The following VPS13C variants were observed in gnomAD, a reference collection of about 807,000 sequenced individuals.
The protein encoded by VPS13C is intermembrane lipid transfer protein VPS13C.
A neutral mutation model predicts 456.8 loss-of-function variants in VPS13C; 358 were observed. The ratio of observed to expected loss-of-function variants is 0.78; its 90% CI spans 0.72 to 0.86. VPS13C has a LOEUF of 0.86. Ranked by LOEUF, VPS13C falls within the 40% of genes least tolerant of loss-of-function variation. The probability of loss-of-function intolerance (pLI) is 0.00; values close to 1 mark genes in which losing one functional copy is unlikely to be tolerated. For missense variants in VPS13C, 4,818 were observed against 4,385.4 expected (o/e 1.10, Z -2.79); for synonymous variants, 1,578 against 1,486.7 (o/e 1.06, Z -1.41).
chr15:61,867,392 C>A lies in VPS13C; in HGVS notation c.10863+1267G>T. The A allele has an allele frequency of 1.0e-6, 1 of 985,462 alleles. No homozygotes were observed. The highest frequency in any genetic ancestry group is 1.2e-6 in the Non-Finnish European group (1 of 829,986). 61.0% of individuals were successfully genotyped at this position (985,462 alleles called of 1,614,324 possible). A position where few individuals can be genotyped will look rare whatever the true frequency, so the allele number is the denominator to read the frequency against. ...AAATTCATGTGCCAACTATTTATTA[C>A]TTGAGGTCTAAGGGCAGGCTCAGAG... On this transcript the variant is annotated intron_variant, in intron 81 of 84. Transcript: ENST00000644861. The surrounding 1 kb of genome is among the most constrained non-coding windows in gnomAD (Gnocchi z 5.0).
chr15:61,958,608 C>T lies in VPS13C; in HGVS notation c.4165G>A (p.Gly1389Ser). 3 of 1,542,714 alleles carry T rather than the reference C, an allele frequency of 1.9e-6. No homozygotes were observed. Among genetic ancestry groups the T allele is most frequent in the Non-Finnish European group, 2.6e-6 (3 of 1,136,844 alleles). ...TTGCCACTTACTGTCAGCCTCTTACCTGTCTCTTGTACTCTTGGTTTCACT... is the reference window on the plus strand; with the variant it reads ...TTGCCACTTACTGTCAGCCTCTTACTTGTCTCTTGTACTCTTGGTTTCACT... ...DKVKPRVQET[G>S]EIKEPLEISI... The change falls in exon 37 of 85, where the codon GGT (glycine) becomes AGT (serine). Residue 1389 changes from glycine (G) to serine (S), a missense_variant and splice_region_variant. Physicochemically the swap from Gly to Ser is moderately conservative, Grantham distance 56. Transcript: ENST00000644861.
rs373951857 is a variant in VPS13C at position 61,927,136 on chromosome 15, G to A, written c.6471C>T (p.Leu2157=). 62 of 1,614,012 alleles carry A rather than the reference G, an allele frequency of 3.8e-5. No homozygotes were observed. Among genetic ancestry groups the A allele is most frequent in the Non-Finnish European group, 4.8e-5 (57 of 1,180,030 alleles). ...MEASVRDLKV[L]ACPFLREKRG... ...TCTTTTCTCTGAGAAAAGGGCAAGC[G>A]AGCACTTTCAGATCTCTCACAGAAG... The change falls in exon 52 of 85, where the codon CTC becomes CTT. Residue 2157 remains leucine, a synonymous_variant. Coordinates refer to ENST00000644861, the MANE Select transcript of VPS13C (RefSeq NM_020821.3).
chr15:62,033,985 C>A (rs1347959427), intron 4 of VPS13C, among the ~76,000 whole-genome samples: 1 of 150,990 alleles, frequency 6.6e-6, no homozygotes, highest in Non-Finnish European at 1.5e-5. Context: ...TATATAAGCC[C>A]TTTTTATCTA....
chr15:61,912,640 GT>G (rs112591175), intron 62 of VPS13C, among the ~76,000 whole-genome samples: 77,577 of 146,912 alleles, frequency 0.53, 20,263 homozygotes, highest in Admixed American at 0.62. Flanking sequence ...GAGCCAACTT[GT>G]TTTTTTTTTT....
At chr15:61,928,312 A>G (rs1045431830) in intron 51 of VPS13C, among the ~76,000 whole-genome samples, 44 of 152,328 alleles carry the variant, frequency 2.9e-4, no homozygotes, top group African/African-American at 9.9e-4. Flanking sequence ...AAAACTGGAA[A>G]GAATATCAGG....
At chr15:61,968,375 T>A (rs2045444254) in intron 28 of VPS13C, among the ~76,000 whole-genome samples, 1 of 152,060 alleles carries the variant, frequency 6.6e-6, no homozygotes, top group Non-Finnish European at 1.5e-5. Flanking sequence ...GTATTAGAAG[T>A]AATCTAGAGA....
rs773373635 is a variant in VPS13C, at chr15:61,854,473, G to A, written c.11246C>T (p.Pro3749Leu). The change falls in exon 85 of 85, where the codon CCC becomes CTC. Residue 3749 changes from proline (P) to leucine (L), a missense_variant. Transcript: ENST00000644861. ...MKQSSVRLLR[P>L]QLPS ...GGTCTGTGATTAAGATGGCAATTGG[G>A]GTCTGAGAAGTCTCACTGATGACTG... 5 of 1,613,906 alleles carry A rather than the reference G, an allele frequency of 3.1e-6. No homozygotes were observed. In the Admixed American group the frequency reaches 6.7e-5, roughly 22 times the overall value.
At chr15:61,998,061 C>T (rs2046453647) in intron 16 of VPS13C, among the ~76,000 whole-genome samples, 2 of 152,170 alleles carry the variant, frequency 1.3e-5, no homozygotes, top group Non-Finnish European at 2.9e-5. Context: ...CTGACCTCAT[C>T]AACCACCACT....
At chr15:62,025,005 C>T (rs565176403) in intron 6 of VPS13C, among the ~76,000 whole-genome samples, 1 of 152,186 alleles carries the variant, frequency 6.6e-6, no homozygotes, top group African/African-American at 2.4e-5. Flanking sequence ...GTACCTTACA[C>T]AGAATTGCAT....
At chr15:61,875,911 G>A in intron 75 of VPS13C, 66 bp from the exon 76 acceptor site, 1 of 1,070,676 alleles carries the variant, frequency 9.3e-7, no homozygotes. Context: ...TAATGAAATA[G>A]AAAAAAAGAG....
At position 61,954,438 on chromosome 15, in the gene VPS13C, T is replaced by C. The variant is rs2044913565; in HGVS notation, c.4282A>G (p.Asn1428Asp). The change falls in exon 38 of 85, where the codon AAT becomes GAT. Residue 1428 changes from asparagine (N) to aspartate (D), a missense_variant. Transcript: ENST00000644861. The stretch of plus-strand genomic sequence containing the variant: ...TTACACACCTCTTTAATTTCAAAAT[T>C]CAGCAGCATATTAATGATGTCTACA... ...RSVDIINMLL[N>D]FEIKEVVVTL... is the part of the protein sequence containing the mutation. The C allele has an allele frequency of 6.2e-7, 1 of 1,602,988 alleles. No homozygotes were observed. Among genetic ancestry groups the C allele is most frequent in the East Asian group, 2.2e-5 (1 of 44,664 alleles).
At chr15:61,950,222 T>C in intron 41 of VPS13C, 136 bp downstream of exon 41, 1 of 687,164 alleles carries the variant, frequency 1.5e-6, no homozygotes, top group Non-Finnish European at 2.5e-6. Flanking sequence ...CTACTTAACT[T>C]TATCCATAAA....
At chr15:62,043,052 A>G (rs921409760) in intron 2 of VPS13C, among the ~76,000 whole-genome samples, 3 of 151,904 alleles carry the variant, frequency 2.0e-5, no homozygotes, top group African/African-American at 7.2e-5. Flanking sequence ...CTACAATTCT[A>G]TTTATATTGT....
intron 1 of VPS13C, among the ~76,000 whole-genome samples, chr15:62,046,004 TAA>T (rs1567146038): frequency 1.3e-5 from 2 of 152,146 alleles, no homozygotes; most frequent in Non-Finnish European, 1.5e-5. Flanking sequence ...TAAAAAACTG[TAA>T]GATGCCATAA....
At chr15:61,941,736 A>G (rs1469704469) in intron 46 of VPS13C, 27 bp downstream of exon 46, 1 of 1,566,200 alleles carries the variant, frequency 6.4e-7, no homozygotes, top group Admixed American at 1.8e-5. Context: ...CTAGTAAGCA[A>G]TACACAATTA....
intron 68 of VPS13C, 86 bp downstream of exon 68, chr15:61,884,042 T>A: frequency 1.6e-6 from 2 of 1,261,718 alleles, no homozygotes; most frequent in South Asian, 1.6e-5. Flanking sequence ...TCTGCACATG[T>A]CTTTACTTGG....
In VPS13C at chr15:61,924,331, T is replaced by C. The variant is rs116598081; in HGVS notation, c.6609+1125A>G. ...GCTTTCCCTGATGTCCTGGTCTGAA[T>C]TAAAGGCCCCATGCCTGTGCTCCCA... On this transcript the variant is annotated intron_variant, in intron 53 of 84. Coordinates refer to ENST00000644861, the MANE Select transcript of VPS13C (RefSeq NM_020821.3). Among the ~76,000 whole-genome samples the C allele has an allele frequency of 1.5e-3, 222 of 152,312 alleles. 1 individual carries two copies. The highest frequency in any genetic ancestry group is 4.9e-3 in the African/African-American group (203 of 41,572).
chr15:61,859,847 T>A (rs1027314494), intron 82 of VPS13C, among the ~76,000 whole-genome samples: 1 of 151,856 alleles, frequency 6.6e-6, no homozygotes, highest in South Asian at 2.1e-4. Flanking sequence ...TTTTTTTTTT[T>A]AAAGTCTGCT....
chr15:61,916,410 C>G (rs2140164549), intron 60 of VPS13C, among the ~76,000 whole-genome samples: 1 of 152,176 alleles, frequency 6.6e-6, no homozygotes, highest in East Asian at 1.9e-4. Context: ...TAATGGTTCC[C>G]ATATGAATGG....
Sources: allele counts gnomAD v4.1 joint callset (sites outside exome capture counted in the v4.1 genomes callset), GRCh38; gene constraint gnomAD v4.1.1; non-coding constraint Gnocchi (gnomAD v3.1); transcripts MANE v1.5; gene names NCBI Gene and HGNC (gene_info 2026-07-23, HGNC 2026-07-21).